The following DIAPH3 variants were observed in gnomAD, a reference collection of about 807,000 sequenced individuals.
DIAPH3 encodes protein diaphanous homolog 3.
Under a neutral mutation model 144.3 loss-of-function variants are expected in DIAPH3, and 117 were observed. That is an observed-to-expected ratio of 0.81 (90% confidence interval 0.70 to 0.95). DIAPH3 has a LOEUF of 0.95. Among genes scored for constraint, DIAPH3 ranks in the 40% least tolerant of loss-of-function variants. The pLI, the probability that DIAPH3 is intolerant of heterozygous loss-of-function variation, is 0.00. For synonymous variants in DIAPH3, 519 were observed against 488.9 expected (o/e 1.06, Z -0.81); for missense variants, 1,421 against 1,412.7 (o/e 1.01, Z -0.09).
At chr13:59,997,189 C>T (rs1383268341) in intron 9 of DIAPH3, among the ~76,000 whole-genome samples, 2 of 151,974 alleles carry the variant, frequency 1.3e-5, no homozygotes, top group African/African-American at 2.4e-5. Flanking sequence ...ACACACTTCT[C>T]TTCATCCTTC....
chr13:59,784,433 T>G (rs997687329), intron 25 of DIAPH3, among the ~76,000 whole-genome samples: 21 of 151,340 alleles, frequency 1.4e-4, no homozygotes, highest in Non-Finnish European at 1.5e-5. Context: ...TGGAGTGAAG[T>G]GGTGTAATCT....
intron 20 of DIAPH3, among the ~76,000 whole-genome samples, chr13:59,890,054 A>G (rs1245653862): frequency 6.6e-6 from 1 of 152,150 alleles, no homozygotes; most frequent in African/African-American, 2.4e-5. Flanking sequence ...GCAGAGCCAG[A>G]AGTACAAAGC....
intron 27 of DIAPH3, among the ~76,000 whole-genome samples, chr13:59,724,438 A>T (rs1268434185): frequency 6.6e-6 from 1 of 152,158 alleles, no homozygotes; most frequent in Non-Finnish European, 1.5e-5. Flanking sequence ...TGGGGAATAA[A>T]TGGTACACAA....
rs1352623423 is a variant in DIAPH3 at position 60,083,982 on chromosome 13, C to G, written c.495+9646G>C. Among the ~76,000 whole-genome samples, 18 of 148,754 alleles carry G rather than the reference C, an allele frequency of 1.2e-4. 1 individual carries two copies. The Admixed American group carries it at 1.2e-3, about 10-fold the overall frequency. On this transcript the variant is annotated intron_variant, in intron 4 of 27. Transcript: ENST00000400324. ...ATGAATAAACTATAGTCTGAGGATG[C>G]ACTTTTGAGTGATAGATAGATAGAC...
At chr13:59,980,527 C>T (rs1260872028) in intron 14 of DIAPH3, among the ~76,000 whole-genome samples, 2 of 151,376 alleles carry the variant, frequency 1.3e-5, no homozygotes, top group Non-Finnish European at 3.0e-5. Context: ...ATAAGTCATT[C>T]ACATATAAAT....
chr13:59,736,499 T>C (rs1320310580), intron 27 of DIAPH3, among the ~76,000 whole-genome samples: 1 of 152,192 alleles, frequency 6.6e-6, no homozygotes, highest in African/African-American at 2.4e-5. Flanking sequence ...CGTGAGGTAG[T>C]ACCTCACTGT....
intron 17 of DIAPH3, among the ~76,000 whole-genome samples, chr13:59,969,604 T>C (rs1191157636): frequency 6.6e-6 from 1 of 152,158 alleles, no homozygotes; most frequent in East Asian, 1.9e-4. Flanking sequence ...AGCACACATT[T>C]TGTTTTTCTA....
rs539903158 is a variant in DIAPH3 at position 59,690,372 on chromosome 13, G to A, written c.3320-23526C>T. On this transcript the variant is annotated intron_variant, in intron 27 of 27. Coordinates refer to ENST00000400324, the MANE Select transcript of DIAPH3 (RefSeq NM_001042517.2). ...TAAACAATTTATAAAGCAAATTAGT[G>A]AAAGAGCTTGGCCTATGTTCAGCCA... Among the ~76,000 whole-genome samples, 10 of 152,260 alleles carry A rather than the reference G, an allele frequency of 6.6e-5. No individual in the cohort carries two copies. The South Asian group carries it at 2.1e-3, about 32-fold the overall frequency.
intron 20 of DIAPH3, among the ~76,000 whole-genome samples, chr13:59,892,297 A>T (rs1393004268): frequency 6.6e-6 from 1 of 151,970 alleles, no homozygotes; most frequent in East Asian, 1.9e-4. Context: ...AAGAAAATGT[A>T]TATAGCTCAA....
intron 3 of DIAPH3, among the ~76,000 whole-genome samples, chr13:60,108,924 A>T (rs1486058420): frequency 3.3e-5 from 5 of 151,978 alleles, no homozygotes; most frequent in South Asian, 2.1e-4. Flanking sequence ...AGGAAATATG[A>T]TGAGTTCACT....
At position 59,774,746 on chromosome 13, in the gene DIAPH3, T is replaced by G. The variant is rs1480475413; in HGVS notation, c.3241A>C (p.Arg1081=). 6.2e-7 allele frequency: 1 copy of G among 1,613,832 alleles called. No individual in the cohort carries two copies. The highest frequency in any genetic ancestry group is 8.5e-7 in the Non-Finnish European group (1 of 1,179,732). ...SGAAFRDRRK[R]TPMPKDVRQS... is the part of the protein sequence containing the mutation. ...GGTTCACCTTTTGGCATCGGTGTCC[T>G]TTTTCTTCTGTCGCGGAAGGCAGCC... is the stretch of plus-strand genomic sequence containing the variant. Residue 1081 remains arginine (R), a synonymous_variant, in exon 26 of 28, where the codon AGG becomes CGG. Transcript: ENST00000400324.
At position 59,771,497 on chromosome 13, in the gene DIAPH3, G is replaced by A. The variant is rs184792179; in HGVS notation, c.3319+2692C>T. Among the ~76,000 whole-genome samples, 171 of 152,172 alleles carry A rather than the reference G, an allele frequency of 1.1e-3. 2 individuals are homozygous for A. The highest frequency in any genetic ancestry group is 3.9e-3 in the African/African-American group (162 of 41,544). On this transcript the variant is annotated intron_variant, in intron 27 of 27. Coordinates refer to ENST00000400324, the MANE Select transcript of DIAPH3 (RefSeq NM_001042517.2). ...ATCTAGTGGCTAAATTTGGGAAGAA[G>A]AGATGAGGCACACCAGAGGCTGGAG...
At chr13:60,148,164 T>A (rs1951622867) in intron 1 of DIAPH3, among the ~76,000 whole-genome samples, 1 of 152,122 alleles carries the variant, frequency 6.6e-6, no homozygotes, top group Non-Finnish European at 1.5e-5. Flanking sequence ...AGAAAGAAGT[T>A]TATGAGAAAG....
chr13:60,087,537 C>T (rs370160030), intron 4 of DIAPH3, among the ~76,000 whole-genome samples: 5 of 152,186 alleles, frequency 3.3e-5, no homozygotes, highest in South Asian at 2.1e-4. Flanking sequence ...AGTCTTTATG[C>T]CTCGTAAAGT....
chr13:59,808,275 T>C (rs938768382), intron 25 of DIAPH3, among the ~76,000 whole-genome samples: 2 of 151,872 alleles, frequency 1.3e-5, no homozygotes, highest in Non-Finnish European at 2.9e-5. Context: ...AGCTAACTTG[T>C]ACAAATCAAT....
At chr13:59,941,993 C>A (rs1409348938) in intron 17 of DIAPH3, among the ~76,000 whole-genome samples, 2 of 152,142 alleles carry the variant, frequency 1.3e-5, no homozygotes, top group Non-Finnish European at 2.9e-5. Flanking sequence ...ATACTTAGCT[C>A]TTTTGGCTTA....
At chr13:60,158,692 G>A (rs1239376772) in intron 1 of DIAPH3, among the ~76,000 whole-genome samples, 2 of 152,072 alleles carry the variant, frequency 1.3e-5, no homozygotes, top group East Asian at 3.9e-4. Flanking sequence ...AAGCTGAGCA[G>A]GGAGTTCTAG....
intron 1 of DIAPH3, chr13:60,147,361 A>T (rs1431980923): frequency 6.6e-6 from 1 of 152,208 alleles, no homozygotes; most frequent in African/African-American, 2.4e-5. Flanking sequence ...TTTGTTCATC[A>T]ATCTACTTGG....
chr13:59,910,853 G>C (rs2046964083), intron 20 of DIAPH3, among the ~76,000 whole-genome samples: 1 of 149,942 alleles, frequency 6.7e-6, no homozygotes, highest in South Asian at 2.1e-4. Flanking sequence ...TTTGGTGGTA[G>C]CAAGGAGTAG....
Sources: allele counts gnomAD v4.1 joint callset (sites outside exome capture counted in the v4.1 genomes callset), GRCh38; gene constraint gnomAD v4.1.1; transcripts MANE v1.5; gene names NCBI Gene and HGNC (gene_info 2026-07-23, HGNC 2026-07-21).